The following SLC25A48 variants were observed in gnomAD, a reference collection of about 807,000 sequenced individuals.
SLC25A48 encodes the protein CTC-321K16.1.
SLC25A48 carries 29 observed loss-of-function variants against 32.2 expected under a neutral mutation model. That is an observed-to-expected ratio of 0.90 (90% CI 0.67 to 1.23). SLC25A48 has a LOEUF of 1.23. Among genes scored for constraint, SLC25A48 ranks in the 50% most tolerant of loss-of-function variants. SLC25A48 has a pLI of 0.00. For synonymous variants in SLC25A48, 164 were observed against 172.3 expected (o/e 0.95, Z 0.38); for missense variants, 399 against 422.7 (o/e 0.94, Z 0.49).
chr5:135,886,652 G>A (rs1317898271), intron 7 of SLC25A48, among the ~76,000 whole-genome samples: 3 of 65,352 alleles, frequency 4.6e-5, no homozygotes, highest in East Asian at 3.3e-4. Context: ...ATATATATGT[G>A]TGTGTGTGTG....
At chr5:135,660,557 T>A (rs12519189) in intron 3 of SLC25A48, among the ~76,000 whole-genome samples, 6,328 of 152,276 alleles carry the variant, frequency 0.042, 180 homozygotes, top group African/African-American at 0.082. Flanking sequence ...GCAGTTTTTT[T>A]AGGTTTGAAT....
chr5:135,714,643 T>C (rs888164664), intron 3 of SLC25A48: 6 of 152,310 alleles, frequency 3.9e-5, no homozygotes, highest in African/African-American at 1.4e-4. Flanking sequence ...AAGTTCATAA[T>C]TGTTAGTGCT....
intron 4 of SLC25A48, among the ~76,000 whole-genome samples, chr5:135,813,981 G>C (rs1757652509): frequency 6.6e-6 from 1 of 152,202 alleles, no homozygotes; most frequent in African/African-American, 2.4e-5. Flanking sequence ...CACAGAGTGT[G>C]CTATTCCTGT....
At chr5:135,835,769 C>G (rs979134691) in intron 1 of SLC25A48, among the ~76,000 whole-genome samples, 3 of 151,350 alleles carry the variant, frequency 2.0e-5, no homozygotes, top group African/African-American at 4.9e-5. Context: ...TAGCCCCTCA[C>G]CAAAGGGGTG....
intron 3 of SLC25A48, among the ~76,000 whole-genome samples, chr5:135,639,319 G>A (rs1378295679): frequency 2.0e-5 from 3 of 152,154 alleles, no homozygotes; most frequent in Non-Finnish European, 4.4e-5. Flanking sequence ...GCTCTTATGT[G>A]TTGTTCAGAA....
intron 3 of SLC25A48, among the ~76,000 whole-genome samples, chr5:135,722,831 G>A (rs77172484): frequency 0.011 from 1,702 of 152,312 alleles, 32 homozygotes; most frequent in African/African-American, 0.039. Flanking sequence ...CCTGGTGTCC[G>A]GTCAGGTTGA....
At chr5:135,848,190 T>G (rs1400650074) in intron 2 of SLC25A48, among the ~76,000 whole-genome samples, 1 of 152,192 alleles carries the variant, frequency 6.6e-6, no homozygotes, top group Non-Finnish European at 1.5e-5. Flanking sequence ...GCTCTCAGGT[T>G]GAGTCACTTC....
At chr5:135,752,043 G>A (rs576298856) in intron 3 of SLC25A48, among the ~76,000 whole-genome samples, 1 of 152,130 alleles carries the variant, frequency 6.6e-6, no homozygotes, top group African/African-American at 2.4e-5. Context: ...ATGGATCAGA[G>A]ACCTAAATGT....
At chr5:135,809,027 C>T (rs774096950) in intron 3 of SLC25A48, among the ~76,000 whole-genome samples, 11 of 151,688 alleles carry the variant, frequency 7.3e-5, no homozygotes, top group Admixed American at 2.0e-4. Context: ...TAGGCTGGGT[C>T]GGGGGGGCTC....
At chr5:135,843,770 A>C (rs1281557433) in intron 2 of SLC25A48, among the ~76,000 whole-genome samples, 1 of 152,206 alleles carries the variant, frequency 6.6e-6, no homozygotes, top group Admixed American at 6.5e-5. Context: ...CAGGAAAACA[A>C]AGAAGGCCAG....
chr5:135,880,350 T>C (rs1762377340), intron 7 of SLC25A48, among the ~76,000 whole-genome samples: 1 of 151,934 alleles, frequency 6.6e-6, no homozygotes, highest in African/African-American at 2.4e-5. Flanking sequence ...ACAGCTCGCC[T>C]CTCCGTTTCC....
At chr5:135,757,292 AAC>A (rs1421371387) in intron 3 of SLC25A48, among the ~76,000 whole-genome samples, 2 of 149,728 alleles carry the variant, frequency 1.3e-5, no homozygotes, top group Non-Finnish European at 3.0e-5. Flanking sequence ...GACTAGTGTT[AAC>A]ACACTATGAT....
rs577589607 is a variant in SLC25A48, at chr5:135,701,480, C to T, written c.-521+66524C>T. ...GAGGAACATAACTCCCCCCCGCCACCGGCCCCCACCACATATACACCCTGA... is the reference window on the plus strand; with the variant it reads ...GAGGAACATAACTCCCCCCCGCCACTGGCCCCCACCACATATACACCCTGA... On this transcript the variant is annotated intron_variant, in intron 3 of 10. Transcript: ENST00000646290. Among the ~76,000 whole-genome samples the T allele has an allele frequency of 2.4e-3, 366 of 152,088 alleles. 2 individuals are homozygous for T. Among genetic ancestry groups the T allele is most frequent in the African/African-American group, 8.4e-3 (349 of 41,480 alleles).
At chr5:135,689,360 A>G (rs1228739457) in intron 3 of SLC25A48, among the ~76,000 whole-genome samples, 4 of 152,112 alleles carry the variant, frequency 2.6e-5, no homozygotes, top group Non-Finnish European at 4.4e-5. Context: ...TCTACAGCCC[A>G]TGGTTTTGGG....
At chr5:135,872,902 C>T (rs545522889) in intron 5 of SLC25A48, among the ~76,000 whole-genome samples, 216 of 152,338 alleles carry the variant, frequency 1.4e-3, no homozygotes, top group Non-Finnish European at 2.7e-3. Flanking sequence ...CGTTCTGGCC[C>T]CCAGGTGCCT....
chr5:135,836,720 T>G (rs370755525), intron 1 of SLC25A48, among the ~76,000 whole-genome samples: 112 of 152,314 alleles, frequency 7.4e-4, no homozygotes, highest in African/African-American at 2.3e-3. Context: ...TGTCAGTTTA[T>G]GTATAGTTCT....
At chr5:135,723,824 G>A (rs1004748038) in intron 3 of SLC25A48, among the ~76,000 whole-genome samples, 8 of 152,100 alleles carry the variant, frequency 5.3e-5, no homozygotes, top group South Asian at 2.1e-4. Context: ...CTTATCAGCC[G>A]CCTAGCTGAC....
intron 3 of SLC25A48, among the ~76,000 whole-genome samples, chr5:135,791,969 A>G (rs1310616073): frequency 1.3e-5 from 2 of 151,848 alleles, no homozygotes; most frequent in Admixed American, 1.3e-4. Flanking sequence ...CACACGGTGT[A>G]CACACTGTGA....
At chr5:135,744,085 G>C in intron 3 of SLC25A48, among the ~76,000 whole-genome samples, 1 of 152,210 alleles carries the variant, frequency 6.6e-6, no homozygotes, top group Non-Finnish European at 1.5e-5. Context: ...CTTATCTTCT[G>C]TATAGCATAG....
Sources: gnomAD v4.1 joint callset for allele counts (sites outside exome capture counted in the v4.1 genomes callset) on GRCh38, gnomAD v4.1.1 for gene constraint, MANE v1.5 for transcripts, NCBI Gene and HGNC (gene_info 2026-07-23, HGNC 2026-07-21) for gene names.